BCAS3: variants seen among roughly 807,000 people sequenced by gnomAD.
BCAS3 encodes BCAS3 microtubule associated cell migration factor.
BCAS3 carries 53 observed loss-of-function variants against 116.1 expected under a neutral mutation model. The ratio of observed to expected loss-of-function variants is 0.46; its 90% CI spans 0.37 to 0.57. The LOEUF is 0.57. BCAS3 is among the 20% of genes least tolerant of loss of function. The pLI is 0.00. For synonymous variants in BCAS3, 391 were observed against 408.2 expected (o/e 0.96, Z 0.51); for missense variants, 917 against 1,165.4 (o/e 0.79, Z 3.10).
At chr17:60,891,455 A>T (rs191539780) in intron 10 of BCAS3, among the ~76,000 whole-genome samples, 18 of 152,376 alleles carry the variant, frequency 1.2e-4, no homozygotes, top group African/African-American at 4.3e-4. Flanking sequence ...TTTGTGAGTC[A>T]AATGTCGTGC....
chr17:60,872,066 C>A (rs975402240), intron 8 of BCAS3, among the ~76,000 whole-genome samples: 1 of 151,802 alleles, frequency 6.6e-6, no homozygotes, highest in Non-Finnish European at 1.5e-5. Flanking sequence ...ATAATATATC[C>A]ATTTCAGCTC....
intron 14 of BCAS3, among the ~76,000 whole-genome samples, chr17:60,959,902 A>G (rs888290526): frequency 9.9e-5 from 15 of 152,218 alleles, no homozygotes; most frequent in African/African-American, 2.2e-4. Flanking sequence ...AGTTATAGCC[A>G]CATCACTCAG....
intron 4 of BCAS3, among the ~76,000 whole-genome samples, chr17:60,698,571 A>T (rs552088736): frequency 3.2e-4 from 48 of 152,218 alleles, no homozygotes; most frequent in African/African-American, 1.1e-3. Context: ...GAAAAAGGAG[A>T]TTTTGTATAT....
intron 7 of BCAS3, among the ~76,000 whole-genome samples, chr17:60,827,882 T>C (rs762966492): frequency 1.3e-5 from 2 of 152,118 alleles, no homozygotes; most frequent in Non-Finnish European, 2.9e-5. Context: ...CAGTTAAAAA[T>C]ATAAAGGTAA....
Position 61,241,943 on chromosome 17 carries a change from T to C in BCAS3, c.2426-126384T>C, listed in dbSNP as rs1028547028. Among the ~76,000 whole-genome samples the C allele has an allele frequency of 3.3e-5, 5 of 152,184 alleles. No individual in the cohort carries two copies. The highest frequency in any genetic ancestry group is 5.9e-5 in the Non-Finnish European group (4 of 68,036). ...AGGAATCATTTCTCAGTGTTAAGTA[T>C]ATCTGGGACCAGAAATGGCTCTTGT... On this transcript the variant is annotated intron_variant, in intron 22 of 23. Transcript: ENST00000407086. This position sits in a 1 kb window ranked among gnomAD's most constrained non-coding sequence, Gnocchi z 4.6.
At position 61,313,149 on chromosome 17, in the gene BCAS3, A is replaced by C. The variant is rs2054456694; in HGVS notation, c.2426-55178A>C. ...TAGACTACATAGTGATGACCAAAAC[A>C]GTCTTTGGATTCATGGCAATTACTG... On this transcript the variant is annotated intron_variant, in intron 22 of 23. Coordinates refer to ENST00000407086, the MANE Select transcript of BCAS3 (RefSeq NM_017679.5). The surrounding 1 kb of genome is among the most constrained non-coding windows in gnomAD (Gnocchi z 4.3). Among the ~76,000 whole-genome samples, 1 of 152,252 alleles carries C rather than the reference A, an allele frequency of 6.6e-6. No individual in the cohort carries two copies. Among genetic ancestry groups the C allele is most frequent in the African/African-American group, 2.4e-5 (1 of 41,470 alleles).
chr17:61,103,609 A>G (rs528907564), intron 22 of BCAS3, among the ~76,000 whole-genome samples: 1 of 152,322 alleles, frequency 6.6e-6, no homozygotes, highest in South Asian at 2.1e-4. Context: ...TTTGGTTTGC[A>G]GAGGAACAGA....
At chr17:60,942,071 T>C (rs955443727) in intron 13 of BCAS3, among the ~76,000 whole-genome samples, 5 of 151,704 alleles carry the variant, frequency 3.3e-5, no homozygotes, top group Non-Finnish European at 5.9e-5. Flanking sequence ...AGCAAAAAAG[T>C]AGGAGTGGCA....
At chr17:60,931,080 T>A (rs2059621187) in intron 13 of BCAS3, among the ~76,000 whole-genome samples, 1 of 152,126 alleles carries the variant, frequency 6.6e-6, no homozygotes, top group African/African-American at 2.4e-5. Context: ...CCATTCTTAT[T>A]TATTAGCTGT....
rs558042728 is a variant in BCAS3 at position 60,682,949 on chromosome 17, G to T, written c.84-1033G>T. ...TATTTTTTTCCCCTTCCCTTTTTTT[G>T]TTTGTTTTTTAGAGATGGGGTCTTG... On this transcript the variant is annotated intron_variant, in intron 2 of 23. Coordinates refer to ENST00000407086, the MANE Select transcript of BCAS3 (RefSeq NM_017679.5). Among the ~76,000 whole-genome samples the T allele has an allele frequency of 1.4e-3, 205 of 150,534 alleles. 1 individual carries two copies. The highest frequency in any genetic ancestry group is 4.7e-3 in the African/African-American group (191 of 41,024).
rs1249295575 is a variant in BCAS3 at position 61,140,378 on chromosome 17, C to T, written c.2425+55814C>T. On this transcript the variant is annotated intron_variant, in intron 22 of 23. Transcript: ENST00000407086. This position sits in a 1 kb window ranked among gnomAD's most constrained non-coding sequence, Gnocchi z 4.2. ...ACTGTCAAGGAAGGTTAGGACCAGA[C>T]TCTGAAAGTAGAGTGCTGGTGGGAG... 2.0e-5 allele frequency among the ~76,000 whole-genome samples: 3 copies of T among 152,196 alleles called. No homozygotes were observed. The highest frequency in any genetic ancestry group is 4.4e-5 in the Non-Finnish European group (3 of 68,034).
chr17:61,044,446 C>CAAAAAAAA (rs1223902392), intron 19 of BCAS3, among the ~76,000 whole-genome samples: 4 of 82,818 alleles, frequency 4.8e-5, no homozygotes, highest in East Asian at 4.0e-4. Context: ...GACTCTGTCT[C>CAAAAAAAA]AAAAAAAAAA....
intron 22 of BCAS3, among the ~76,000 whole-genome samples, chr17:61,351,213 G>C (rs538080392): frequency 6.6e-6 from 1 of 152,324 alleles, no homozygotes; most frequent in South Asian, 2.1e-4. Context: ...GATCCTGGAG[G>C]ACAGGAATTG....
At chr17:60,863,634 GC>G (rs2144864788) in intron 7 of BCAS3, among the ~76,000 whole-genome samples, 1 of 152,142 alleles carries the variant, frequency 6.6e-6, no homozygotes, top group South Asian at 2.1e-4. Flanking sequence ...CGCACCTGTA[GC>G]CCCAGCTACT....
chr17:61,032,721 A>G lies in BCAS3; in HGVS notation c.1638-1945A>G, dbSNP rs1390505634. Among the ~76,000 whole-genome samples the G allele has an allele frequency of 6.6e-6, 1 of 152,198 alleles. No individual in the cohort carries two copies. The highest frequency in any genetic ancestry group is 1.5e-5 in the Non-Finnish European group (1 of 68,026). On this transcript the variant is annotated intron_variant, in intron 16 of 23. Transcript: ENST00000407086. The surrounding 1 kb of genome is among the most constrained non-coding windows in gnomAD (Gnocchi z 4.6). ...CAAGTATGAAGAGGTGAAACAGTTT[A>G]TAGAGCCAGATTCAGCTTCCCACAG... is the stretch of plus-strand genomic sequence containing the variant.
chr17:60,986,230 C>T (rs1010902060), intron 14 of BCAS3, among the ~76,000 whole-genome samples: 3 of 152,144 alleles, frequency 2.0e-5, no homozygotes, highest in Admixed American at 6.5e-5. Flanking sequence ...TTTTCTTTAT[C>T]CATTCATCTG....
chr17:61,040,565 A>G (rs560675335), intron 18 of BCAS3, among the ~76,000 whole-genome samples: 3 of 152,278 alleles, frequency 2.0e-5, no homozygotes, highest in South Asian at 4.1e-4. Context: ...TTAAGCTTAT[A>G]TTGACTGCAT....
intron 22 of BCAS3, among the ~76,000 whole-genome samples, chr17:61,155,243 G>T (rs1751157018): frequency 6.6e-6 from 1 of 152,072 alleles, no homozygotes; most frequent in African/African-American, 2.4e-5. Flanking sequence ...CACACAGTTT[G>T]ATATGAATTT....
chr17:60,776,718 CA>C (rs749033165), intron 6 of BCAS3, among the ~76,000 whole-genome samples: 1,439 of 46,544 alleles, frequency 0.031, 9 homozygotes, highest in African/African-American at 0.092. Flanking sequence ...GACTCCGTCT[CA>C]AAAAAAAAAA....
Sources: gnomAD v4.1 joint callset for allele counts (sites outside exome capture counted in the v4.1 genomes callset) on GRCh38, gnomAD v4.1.1 for gene constraint, Gnocchi (gnomAD v3.1) non-coding constraint, MANE v1.5 for transcripts, NCBI Gene and HGNC (gene_info 2026-07-23, HGNC 2026-07-21) for gene names.